ERI3: variants seen among roughly 807,000 people sequenced by gnomAD.
ERI3 encodes ERI1 exoribonuclease 3.
Under a neutral mutation model 44.4 loss-of-function variants are expected in ERI3, and 18 were observed. The observed-to-expected ratio is 0.41, with a 90% confidence interval of 0.28 to 0.60. The LOEUF is 0.60. ERI3 is among the 20% of genes least tolerant of loss of function. The pLI, the probability that ERI3 is intolerant of heterozygous loss-of-function variation, is 0.36. For synonymous variants in ERI3, 183 were observed against 164.8 expected (o/e 1.11, Z -0.84); for missense variants, 294 against 435.5 (o/e 0.68, Z 2.89).
chr1:44,343,618 TAG>T lies in ERI3; in HGVS notation c.212-4298_212-4297del, dbSNP rs1161850150. Reference sequence around the variant, plus strand: ...TTACTGAGGAAAGTCTAAAGGAGACTAGAGACTTGATAACCAAATGCAACCCA... The same window carrying T: ...TTACTGAGGAAAGTCTAAAGGAGACTAGACTTGATAACCAAATGCAACCCA... On this transcript the variant is annotated intron_variant, in intron 2 of 8. Transcript: ENST00000372257. 2.6e-5 allele frequency among the ~76,000 whole-genome samples: 4 copies of T among 152,186 alleles called. No homozygotes were observed. In the East Asian group the frequency reaches 7.7e-4, roughly 29 times the overall value.
At chr1:44,334,446 T>A (rs1410971483) in intron 3 of ERI3, among the ~76,000 whole-genome samples, 2 of 152,192 alleles carry the variant, frequency 1.3e-5, no homozygotes, top group African/African-American at 4.8e-5. Flanking sequence ...AAAGGAGGCA[T>A]AATTCTCCTA....
intron 3 of ERI3, among the ~76,000 whole-genome samples, chr1:44,325,824 T>C (rs1438811398): frequency 6.6e-6 from 1 of 152,066 alleles, no homozygotes; most frequent in East Asian, 1.9e-4. Flanking sequence ...AATTTTTGTG[T>C]TTTTACTAAA....
chr1:44,281,596 A>AT (rs1645284672), intron 7 of ERI3, among the ~76,000 whole-genome samples: 7 of 137,616 alleles, frequency 5.1e-5, no homozygotes, highest in South Asian at 4.5e-4. Flanking sequence ...TCGAAAAAAA[A>AT]AAAAAATATA....
At chr1:44,288,013 G>C (rs1372815690) in intron 6 of ERI3, among the ~76,000 whole-genome samples, 1 of 152,150 alleles carries the variant, frequency 6.6e-6, no homozygotes, top group Non-Finnish European at 1.5e-5. Context: ...AGAGGGATGG[G>C]CTCTCTCTTT....
intron 6 of ERI3, among the ~76,000 whole-genome samples, chr1:44,294,723 A>C (rs1486009617): frequency 6.6e-6 from 1 of 152,246 alleles, no homozygotes; most frequent in Non-Finnish European, 1.5e-5. Context: ...GGAGGTTTCC[A>C]AGACACTGTG....
intron 6 of ERI3, among the ~76,000 whole-genome samples, chr1:44,286,813 C>G (rs1355620962): frequency 2.6e-5 from 4 of 152,166 alleles, no homozygotes; most frequent in African/African-American, 7.2e-5. Context: ...TCACAGAACC[C>G]TTCCAAGATC....
chr1:44,339,066 G>C lies in ERI3; in HGVS notation c.468C>G (p.Asp156Glu). The C allele has an allele frequency of 6.2e-7, 1 of 1,613,692 alleles. No homozygotes were observed. The highest frequency in any genetic ancestry group is 8.5e-7 in the Non-Finnish European group (1 of 1,179,798). ...FLVLDFEATC[D>E]KPQIHPQEII... Reference sequence around the variant, plus strand: ...TTACCTGAGGATGAATCTGTGGCTTGTCGCACGTGGCCTCAAAGTCCAGCA... The same window carrying C: ...TTACCTGAGGATGAATCTGTGGCTTCTCGCACGTGGCCTCAAAGTCCAGCA... The change falls in exon 3 of 9, where the codon GAC (aspartate) becomes GAG (glutamate). Residue 156 changes from aspartate to glutamate, a missense_variant. Transcript: ENST00000372257.
At chr1:44,232,050 T>C (rs1472421063) in intron 8 of ERI3, among the ~76,000 whole-genome samples, 1 of 152,218 alleles carries the variant, frequency 6.6e-6, no homozygotes, top group Non-Finnish European at 1.5e-5. Context: ...ACACTGCTGA[T>C]ATGCTGAATT....
At chr1:44,342,844 TA>T (rs1646702035) in intron 2 of ERI3, among the ~76,000 whole-genome samples, 1 of 32,906 alleles carries the variant, frequency 3.0e-5, no homozygotes, top group African/African-American at 1.4e-4. Context: ...TATATATATA[TA>T]TATATATATA....
intron 2 of ERI3, among the ~76,000 whole-genome samples, chr1:44,340,542 A>G (rs1646632828): frequency 6.6e-6 from 1 of 152,198 alleles, no homozygotes. Flanking sequence ...CTCAAAGGCA[A>G]TGAGGCCACT....
chr1:44,285,622 G>A (rs1422205876), intron 6 of ERI3, among the ~76,000 whole-genome samples: 3 of 152,160 alleles, frequency 2.0e-5, no homozygotes, highest in African/African-American at 7.2e-5. Context: ...AGCTGGTGAT[G>A]GTTTTACTCA....
At chr1:44,295,471 CA>C (rs1287379933) in intron 6 of ERI3, among the ~76,000 whole-genome samples, 1 of 152,196 alleles carries the variant, frequency 6.6e-6, no homozygotes, top group African/African-American at 2.4e-5. Flanking sequence ...GTCCCCAGCA[CA>C]GTACTTACAG....
At chr1:44,232,486 A>T (rs1572066421) in intron 8 of ERI3, among the ~76,000 whole-genome samples, 1 of 152,232 alleles carries the variant, frequency 6.6e-6, no homozygotes, top group African/African-American at 2.4e-5. Context: ...GGCTTGCAAT[A>T]TAAGTTGACT....
chr1:44,310,970 CACACA>C (rs1645957427), intron 5 of ERI3, among the ~76,000 whole-genome samples: 1 of 50,244 alleles, frequency 2.0e-5, no homozygotes. Context: ...CGCGCACACA[CACACA>C]CACACACACA....
chr1:44,313,415 C>T (rs1182209125), intron 4 of ERI3, among the ~76,000 whole-genome samples, 187 bp from the exon 5 acceptor site: 1 of 152,162 alleles, frequency 6.6e-6, no homozygotes, highest in Admixed American at 6.5e-5. Context: ...ACAATGTGTG[C>T]TTCTCCCATA....
At chr1:44,233,967 G>A (rs1009561027) in intron 8 of ERI3, among the ~76,000 whole-genome samples, 1 of 152,122 alleles carries the variant, frequency 6.6e-6, no homozygotes, top group African/African-American at 2.4e-5. Context: ...TTGATTGATA[G>A]ACAATTGGTG....
chr1:44,350,538 G>C (rs1301071705), intron 2 of ERI3, among the ~76,000 whole-genome samples: 4 of 151,806 alleles, frequency 2.6e-5, no homozygotes, highest in Non-Finnish European at 5.9e-5. Flanking sequence ...CTGGGATTAT[G>C]AGCATGAGCC....
intron 7 of ERI3, among the ~76,000 whole-genome samples, chr1:44,262,840 C>T (rs945376191): frequency 6.6e-6 from 1 of 152,162 alleles, no homozygotes; most frequent in Non-Finnish European, 1.5e-5. Context: ...TTCTTTCCTC[C>T]CAAAAGCTTC....
chr1:44,298,506 A>G (rs938363816), intron 6 of ERI3, among the ~76,000 whole-genome samples: 2 of 152,262 alleles, frequency 1.3e-5, no homozygotes, highest in African/African-American at 4.8e-5. Flanking sequence ...ACAAAAAAAG[A>G]ATAAATAAAA....
Sources: gnomAD v4.1 joint callset for allele counts (sites outside exome capture counted in the v4.1 genomes callset) on GRCh38, gnomAD v4.1.1 for gene constraint, MANE v1.5 for transcripts, NCBI Gene and HGNC (gene_info 2026-07-23, HGNC 2026-07-21) for gene names.